Variants in HIBADH observed in about 807,000 individuals in gnomAD.
The protein encoded by HIBADH is 3-hydroxyisobutyrate dehydrogenase, also known as 3-hydroxyisobutyrate dehydrogenase, mitochondrial.
Under a neutral mutation model 36.1 loss-of-function variants are expected in HIBADH, and 25 were observed. That is an observed-to-expected ratio of 0.69 (90% CI 0.50 to 0.97). The LOEUF (loss-of-function observed/expected upper bound fraction) is 0.97, where lower values mean the gene tolerates loss of function less well. HIBADH is among the 50% of genes least tolerant of loss of function. The pLI is 0.00. For missense variants in HIBADH, 421 were observed against 418.0 expected, an observed-to-expected ratio of 1.01 and a Z score of -0.06; for synonymous variants, 160 against 149.5, an observed-to-expected ratio of 1.07 and a Z score of -0.51.
intron 3 of HIBADH, among the ~76,000 whole-genome samples, chr7:27,631,020 TAAAG>T (rs1315673596): frequency 1.3e-5 from 2 of 151,822 alleles, no homozygotes; most frequent in African/African-American, 2.4e-5. Flanking sequence ...CAGAAAAAAA[TAAAG>T]AATCACCCAT....
At chr7:27,632,200 CCA>C (rs1294835671) in intron 3 of HIBADH, 134 bp downstream of exon 3, 6 of 595,032 alleles carry the variant, frequency 1.0e-5, no homozygotes, top group Non-Finnish European at 1.4e-5. Context: ...GAGAAAACCA[CCA>C]CACTATTCAC....
At chr7:27,530,932 GCACACACACACA>G (rs371803902) in intron 7 of HIBADH, among the ~76,000 whole-genome samples, 4 of 150,660 alleles carry the variant, frequency 2.7e-5, no homozygotes, top group Non-Finnish European at 5.9e-5. Context: ...ACCCAAGTGC[GCACACACACACA>G]CACGCACACA....
chr7:27,591,886 T>C (rs570162652), intron 4 of HIBADH, among the ~76,000 whole-genome samples: 13 of 152,326 alleles, frequency 8.5e-5, no homozygotes, highest in Admixed American at 5.2e-4. Context: ...CTTTTCTGAA[T>C]ACAGTGATTC....
intron 4 of HIBADH, among the ~76,000 whole-genome samples, chr7:27,600,444 A>C (rs918761763): frequency 6.6e-6 from 1 of 152,188 alleles, no homozygotes; most frequent in African/African-American, 2.4e-5. Context: ...GAGTAAAATC[A>C]CACAAAAATA....
chr7:27,611,617 T>C (rs562840200), intron 4 of HIBADH, among the ~76,000 whole-genome samples: 1 of 152,342 alleles, frequency 6.6e-6, no homozygotes, highest in Admixed American at 6.5e-5. Flanking sequence ...CACAAGTTAA[T>C]AGGGCATCAT....
chr7:27,538,613 G>A (rs780655843), intron 5 of HIBADH, among the ~76,000 whole-genome samples, 196 bp from the exon 6 acceptor site: 7 of 151,956 alleles, frequency 4.6e-5, no homozygotes, highest in South Asian at 2.1e-4. Flanking sequence ...GCAGACTTGC[G>A]GGTCTCCTCC....
chr7:27,596,992 T>A (rs1211938703), intron 4 of HIBADH, among the ~76,000 whole-genome samples: 1 of 152,086 alleles, frequency 6.6e-6, no homozygotes, highest in Non-Finnish European at 1.5e-5. Flanking sequence ...TGCATATATA[T>A]GCAATAAAAA....
rs1554296618 is a variant in HIBADH, at chr7:27,568,916, T to TTC, written c.485-25817_485-25816insGA. 9.8e-5 allele frequency among the ~76,000 whole-genome samples: 10 copies of TTC among 102,242 alleles called. No individual in the cohort carries two copies. In the South Asian group the frequency reaches 3.1e-3, roughly 31 times the overall value. The allele number at this position is 102,242 out of a possible 152,430, so 67.1% of individuals were successfully genotyped here. ...AAGCTTTCAGCCACCTTTTTTTTTTTCCAAATTTTTTTTTTTGTACCACAC... is the reference window on the plus strand; with the variant it reads ...AAGCTTTCAGCCACCTTTTTTTTTTTTCCCAAATTTTTTTTTTTGTACCACAC... On this transcript the variant is annotated intron_variant, in intron 4 of 7. Coordinates refer to ENST00000265395, the MANE Select transcript of HIBADH (RefSeq NM_152740.4).
At chr7:27,600,989 C>G (rs1406866256) in intron 4 of HIBADH, among the ~76,000 whole-genome samples, 1 of 152,112 alleles carries the variant, frequency 6.6e-6, no homozygotes, top group African/African-American at 2.4e-5. Flanking sequence ...TCCAAAAATA[C>G]ACTAGCATTT....
chr7:27,621,713 A>G (rs1345254612), intron 4 of HIBADH, among the ~76,000 whole-genome samples: 1 of 152,108 alleles, frequency 6.6e-6, no homozygotes, highest in Non-Finnish European at 1.5e-5. Flanking sequence ...AATCGCTTGA[A>G]CCTGGGATGT....
chr7:27,650,027 AT>A (rs1562659388), intron 1 of HIBADH, among the ~76,000 whole-genome samples: 1 of 152,070 alleles, frequency 6.6e-6, no homozygotes, highest in African/African-American at 2.4e-5. Context: ...AATTTTAAGC[AT>A]TTTTCCTGTT....
chr7:27,634,252 C>A (rs1284438293), intron 2 of HIBADH, among the ~76,000 whole-genome samples: 1 of 152,040 alleles, frequency 6.6e-6, no homozygotes, highest in Admixed American at 6.5e-5. Context: ...GACAATACAG[C>A]ATTTTATAAT....
At position 27,577,164 on chromosome 7, in the gene HIBADH, C is replaced by CTTTTTTT. The variant is rs35467427; in HGVS notation, c.485-34065_485-34064insAAAAAAA. On this transcript the variant is annotated intron_variant, in intron 4 of 7. Coordinates refer to ENST00000265395, the MANE Select transcript of HIBADH (RefSeq NM_152740.4). ...TGTGAACTTTCCAAGCATCATTTCT[C>CTTTTTTT]TCTTTTTTTTTTTTTTGAGATGGAG... Among the ~76,000 whole-genome samples, 18 of 143,888 alleles carry CTTTTTTT rather than the reference C, an allele frequency of 1.3e-4. 4 individuals carry two copies. Among genetic ancestry groups the CTTTTTTT allele is most frequent in the Non-Finnish European group, 1.7e-4 (11 of 66,046 alleles). The allele number at this position is 143,888 out of a possible 152,430, so 94.4% of individuals were successfully genotyped here.
chr7:27,546,449 CT>C (rs1282882803), intron 4 of HIBADH, among the ~76,000 whole-genome samples: 1 of 152,080 alleles, frequency 6.6e-6, no homozygotes, highest in East Asian at 1.9e-4. Flanking sequence ...GGGCTTACTA[CT>C]TTTTAACTTG....
intron 2 of HIBADH, among the ~76,000 whole-genome samples, chr7:27,637,203 A>G (rs542666957): frequency 2.6e-5 from 4 of 152,302 alleles, no homozygotes; most frequent in Middle Eastern, 3.4e-3. Context: ...TCCCCATTTT[A>G]TATAAGAATA....
At chr7:27,548,865 A>G (rs771785740) in intron 4 of HIBADH, among the ~76,000 whole-genome samples, 39 of 152,308 alleles carry the variant, frequency 2.6e-4, no homozygotes, top group Non-Finnish European at 4.0e-4. Context: ...AACCCTCGTC[A>G]TTGAAAGAAT....
At chr7:27,531,943 A>G (rs754178359) in intron 6 of HIBADH, among the ~76,000 whole-genome samples, 3 of 152,196 alleles carry the variant, frequency 2.0e-5, no homozygotes, top group Admixed American at 6.5e-5. Flanking sequence ...TATTTATTAA[A>G]TCTTTATTAG....
At position 27,644,035 on chromosome 7, in the gene HIBADH, C is replaced by T. The variant is rs528244712; in HGVS notation, c.252+5438G>A. 2.0e-5 allele frequency among the ~76,000 whole-genome samples: 3 copies of T among 152,318 alleles called. 1 individual carries two copies. Among genetic ancestry groups the T allele is most frequent in the African/African-American group, 7.2e-5 (3 of 41,562 alleles). ...CATTCACAGGTACTAGGAGTTAGAA[C>T]TTGAATATATCTTTTTTAATAGCTT... On this transcript the variant is annotated intron_variant, in intron 2 of 7. Coordinates refer to ENST00000265395, the MANE Select transcript of HIBADH (RefSeq NM_152740.4).
At chr7:27,602,633 C>T (rs1785149845) in intron 4 of HIBADH, among the ~76,000 whole-genome samples, 1 of 152,060 alleles carries the variant, frequency 6.6e-6, no homozygotes, top group South Asian at 2.1e-4. Context: ...GCCAAAAGTA[C>T]ACTTAAAACT....
Sources: gnomAD v4.1 joint callset for allele counts (sites outside exome capture counted in the v4.1 genomes callset) on GRCh38, gnomAD v4.1.1 for gene constraint, MANE v1.5 for transcripts, NCBI Gene and HGNC (gene_info 2026-07-23, HGNC 2026-07-21) for gene names.